The following ANKS1B variants were observed in gnomAD, a reference collection of about 807,000 sequenced individuals.
The protein encoded by ANKS1B is ankyrin repeat and sterile alpha motif domain containing 1B, also known as ankyrin repeat and sterile alpha motif domain-containing protein 1B.
In ANKS1B, 36 loss-of-function variants were observed where a neutral mutation model predicts 148.3. The observed-to-expected ratio is 0.24, with a 90% CI of 0.19 to 0.32. The LOEUF is 0.32. ANKS1B is among the 10% of genes least tolerant of loss of function. The pLI, the probability that ANKS1B is intolerant of heterozygous loss-of-function variation, is 1.00. For missense variants in ANKS1B, 1,157 were observed against 1,542.6 expected (o/e 0.75, Z 4.19); for synonymous variants, 542 against 560.8 (o/e 0.97, Z 0.47).
intron 15 of ANKS1B, among the ~76,000 whole-genome samples, chr12:99,088,021 C>T (rs1294405203): frequency 6.6e-6 from 1 of 151,980 alleles, no homozygotes; most frequent in Non-Finnish European, 1.5e-5. Flanking sequence ...TCTTTTTGAG[C>T]CAAATTTCCT....
At chr12:99,504,719 A>C in intron 9 of ANKS1B, 78 bp from the exon 10 acceptor site, 1 of 1,096,318 alleles carries the variant, frequency 9.1e-7, no homozygotes, top group Non-Finnish European at 1.3e-6. Context: ...AGAAAAGATA[A>C]TCAGGTTCAT....
intron 12 of ANKS1B, among the ~76,000 whole-genome samples, chr12:99,375,119 T>G (rs1340205434): frequency 6.6e-6 from 1 of 152,170 alleles, no homozygotes; most frequent in African/African-American, 2.4e-5. Flanking sequence ...ATCCGTTAGT[T>G]GAGTTAAAAA....
At chr12:99,279,854 A>T (rs984539411) in intron 12 of ANKS1B, among the ~76,000 whole-genome samples, 2 of 151,932 alleles carry the variant, frequency 1.3e-5, no homozygotes, top group African/African-American at 2.4e-5. Flanking sequence ...TCTCTAAAAA[A>T]ATTAGCTGGG....
chr12:99,037,935 T>C (rs936708078), intron 17 of ANKS1B, among the ~76,000 whole-genome samples: 21 of 152,200 alleles, frequency 1.4e-4, no homozygotes, highest in Admixed American at 1.2e-3. Flanking sequence ...TGAGGACACG[T>C]TGCCTGGTGT....
intron 22 of ANKS1B, among the ~76,000 whole-genome samples, chr12:98,785,428 C>A (rs2098782992): frequency 6.6e-6 from 1 of 152,080 alleles, no homozygotes. Context: ...CAAGATCGCG[C>A]CACTGCACTC....
chr12:99,457,473 A>G (rs534501628), intron 10 of ANKS1B, among the ~76,000 whole-genome samples: 2 of 152,288 alleles, frequency 1.3e-5, no homozygotes, highest in South Asian at 4.1e-4. Flanking sequence ...CACTTAAAAG[A>G]CACAGAATGG....
At chr12:99,274,043 G>A (rs570836126) in intron 12 of ANKS1B, among the ~76,000 whole-genome samples, 14 of 152,098 alleles carry the variant, frequency 9.2e-5, no homozygotes, top group Non-Finnish European at 8.8e-5. Context: ...TTTTAGGGCG[G>A]AGGAGACTCA....
At chr12:99,587,517 C>T (rs945816036) in intron 9 of ANKS1B, among the ~76,000 whole-genome samples, 16 of 152,130 alleles carry the variant, frequency 1.1e-4, no homozygotes, top group Admixed American at 2.0e-4. Flanking sequence ...GTTTTAATTG[C>T]TCTATCTTAG....
At chr12:99,463,841 T>C (rs1369510626) in intron 10 of ANKS1B, among the ~76,000 whole-genome samples, 1 of 152,070 alleles carries the variant, frequency 6.6e-6, no homozygotes, top group African/African-American at 2.4e-5. Flanking sequence ...CCTGCCTCTG[T>C]AGGCTCCACC....
At chr12:99,540,789 G>A (rs1475484939) in intron 9 of ANKS1B, among the ~76,000 whole-genome samples, 1 of 150,980 alleles carries the variant, frequency 6.6e-6, no homozygotes, top group Non-Finnish European at 1.5e-5. Context: ...AATAATAAGA[G>A]CAAAAATAAA....
intron 17 of ANKS1B, among the ~76,000 whole-genome samples, chr12:98,899,564 GA>G (rs749373077): frequency 6.6e-6 from 1 of 152,182 alleles, no homozygotes; most frequent in Non-Finnish European, 1.5e-5. Context: ...CCCTGAAGAA[GA>G]AATTCCACCT....
At chr12:99,157,255 A>G (rs187215625) in intron 14 of ANKS1B, among the ~76,000 whole-genome samples, 83 of 152,342 alleles carry the variant, frequency 5.4e-4, no homozygotes, top group Admixed American at 1.3e-3. Context: ...AAGAAAAGGA[A>G]AGTCTCAATT....
chr12:98,964,199 C>T (rs1597674646), intron 17 of ANKS1B, among the ~76,000 whole-genome samples: 1 of 152,238 alleles, frequency 6.6e-6, no homozygotes, highest in African/African-American at 2.4e-5. Context: ...TGAAAAGGTG[C>T]TCAACATCAC....
chr12:98,970,893 C>A (rs1337555509), intron 17 of ANKS1B, among the ~76,000 whole-genome samples: 1 of 152,180 alleles, frequency 6.6e-6, no homozygotes, highest in Non-Finnish European at 1.5e-5. Flanking sequence ...TGAAAAGGAT[C>A]TGTTAATCCT....
At chr12:99,009,030 G>A (rs1287636046) in intron 17 of ANKS1B, among the ~76,000 whole-genome samples, 1 of 152,138 alleles carries the variant, frequency 6.6e-6, no homozygotes, top group African/African-American at 2.4e-5. Flanking sequence ...GTTCAATCAT[G>A]GTCTACACTT....
intron 4 of ANKS1B, among the ~76,000 whole-genome samples, chr12:99,801,434 T>C (rs2153656695): frequency 6.6e-6 from 1 of 152,244 alleles, no homozygotes; most frequent in South Asian, 2.1e-4. Context: ...TGATGATGAA[T>C]CAAGTAAGAG....
chr12:99,088,475 G>T (rs1424543797), intron 15 of ANKS1B, among the ~76,000 whole-genome samples: 1 of 152,066 alleles, frequency 6.6e-6, no homozygotes, highest in Non-Finnish European at 1.5e-5. Flanking sequence ...TGTATATTTT[G>T]AAATTATGTT....
intron 22 of ANKS1B, among the ~76,000 whole-genome samples, chr12:98,791,213 C>T (rs768604581): frequency 4.6e-5 from 7 of 151,808 alleles, no homozygotes; most frequent in Non-Finnish European, 7.4e-5. Flanking sequence ...GACGTGGTGG[C>T]GGATGCCTGT....
intron 9 of ANKS1B, chr12:99,648,088 A>G: frequency 6.6e-7 from 1 of 1,521,306 alleles, no homozygotes. Context: ...CACCTGCCAG[A>G]GTAGCCAAGG....
Sources: allele counts gnomAD v4.1 joint callset (sites outside exome capture counted in the v4.1 genomes callset), GRCh38; gene constraint gnomAD v4.1.1; transcripts MANE v1.5; gene names NCBI Gene and HGNC (gene_info 2026-07-23, HGNC 2026-07-21).